The following GRIN2B variants were observed in gnomAD, a reference collection of about 807,000 sequenced individuals.
The protein encoded by GRIN2B is glutamate ionotropic receptor NMDA type subunit 2B, also known as glutamate receptor ionotropic, NMDA 2B.
A neutral mutation model predicts 114.5 loss-of-function variants in GRIN2B; 5 were observed. The observed-to-expected ratio is 0.04, with a 90% confidence interval of 0.02 to 0.09. The LOEUF (loss-of-function observed/expected upper bound fraction) is 0.09. Among genes scored for constraint, GRIN2B ranks in the 10% least tolerant of loss-of-function variants. The pLI, the probability that GRIN2B is intolerant of heterozygous loss-of-function variation, is 1.00. For missense variants in GRIN2B, 1,108 were observed against 1,943.5 expected (o/e 0.57, Z 8.08); for synonymous variants, 787 against 745.1 (o/e 1.06, Z -0.92).
intron 2 of GRIN2B, among the ~76,000 whole-genome samples, chr12:13,964,603 G>C (rs1485180540): frequency 1.3e-5 from 2 of 152,214 alleles, no homozygotes; most frequent in Non-Finnish European, 2.9e-5. Flanking sequence ...ATGGGCTTCA[G>C]GGATGCTAAG....
At chr12:13,790,313 C>A (rs1864299593) in intron 3 of GRIN2B, among the ~76,000 whole-genome samples, 1 of 152,174 alleles carries the variant, frequency 6.6e-6, no homozygotes, top group African/African-American at 2.4e-5. Flanking sequence ...CCTCTCATCC[C>A]CTCCCATCCT....
At chr12:13,906,296 A>C (rs1866533340) in intron 2 of GRIN2B, among the ~76,000 whole-genome samples, 1 of 152,202 alleles carries the variant, frequency 6.6e-6, no homozygotes, top group African/African-American at 2.4e-5. Flanking sequence ...ATAAATCCAC[A>C]GGTAGTCAGG....
At chr12:13,779,669 C>T (rs978588869) in intron 3 of GRIN2B, among the ~76,000 whole-genome samples, 1 of 152,130 alleles carries the variant, frequency 6.6e-6, no homozygotes, top group Non-Finnish European at 1.5e-5. Flanking sequence ...GTGTTTACAA[C>T]ACATCTTAGT....
chr12:13,609,434 G>A (rs1239410052), intron 9 of GRIN2B, among the ~76,000 whole-genome samples: 3 of 152,110 alleles, frequency 2.0e-5, no homozygotes, highest in Non-Finnish European at 2.9e-5. Context: ...CTACTCCGAT[G>A]CCAACACTTC....
intron 2 of GRIN2B, among the ~76,000 whole-genome samples, chr12:13,947,152 A>G (rs1471464391): frequency 6.6e-6 from 1 of 152,192 alleles, no homozygotes; most frequent in Non-Finnish European, 1.5e-5. Context: ...TGTACTCACA[A>G]AAGTATCTGT....
chr12:13,637,512 G>A (rs1949676757), intron 5 of GRIN2B, among the ~76,000 whole-genome samples: 1 of 152,118 alleles, frequency 6.6e-6, no homozygotes, highest in Non-Finnish European at 1.5e-5. Context: ...TCCATCACCA[G>A]TAAAGGTTTT....
In GRIN2B at chr12:13,561,003, G is replaced by A; in HGVS notation, c.*1780C>T. Reference sequence around the variant, plus strand: ...GCAGTCAAGCTTCCACACAGACCTGGGGCTCTCTGGATGCCACCCTGTGTA... The same window carrying A: ...GCAGTCAAGCTTCCACACAGACCTGAGGCTCTCTGGATGCCACCCTGTGTA... On this transcript the variant is annotated 3_prime_UTR_variant, in exon 14 of 14. Coordinates refer to ENST00000609686, the MANE Select transcript of GRIN2B (RefSeq NM_000834.5). The A allele has an allele frequency of 6.6e-6, 1 of 152,222 alleles. No homozygotes were observed. Among genetic ancestry groups the A allele is most frequent in the Non-Finnish European group, 1.5e-5 (1 of 68,044 alleles). The allele number at this position is 152,222 out of a possible 1,614,324, so 9.4% of individuals were successfully genotyped here. A position where few individuals can be genotyped will look rare whatever the true frequency, so the allele number is the denominator to read the frequency against.
At chr12:13,702,840 C>G (rs1950325038) in intron 4 of GRIN2B, among the ~76,000 whole-genome samples, 1 of 152,162 alleles carries the variant, frequency 6.6e-6, no homozygotes, top group Non-Finnish European at 1.5e-5. Context: ...ACTCCCATTC[C>G]TTACAGCTAA....
chr12:13,880,163 G>C (rs930234130), intron 2 of GRIN2B, among the ~76,000 whole-genome samples: 51 of 152,196 alleles, frequency 3.4e-4, no homozygotes, highest in African/African-American at 1.2e-3. Context: ...CCTGGCCTTG[G>C]GTCCTGGAGA....
intron 3 of GRIN2B, among the ~76,000 whole-genome samples, chr12:13,783,210 T>G (rs1041659025): frequency 6.6e-6 from 1 of 152,074 alleles, no homozygotes; most frequent in African/African-American, 2.4e-5. Context: ...AATTCATCTC[T>G]TTCGCACCCC....
chr12:13,886,305 C>T (rs149022627), intron 2 of GRIN2B, among the ~76,000 whole-genome samples: 3 of 152,232 alleles, frequency 2.0e-5, no homozygotes, highest in East Asian at 1.9e-4. Flanking sequence ...AAATTGCCTC[C>T]AAAGAAGCAT....
chr12:13,691,210 C>T (rs760363946), intron 4 of GRIN2B, among the ~76,000 whole-genome samples: 3 of 152,300 alleles, frequency 2.0e-5, no homozygotes, highest in East Asian at 1.9e-4. Context: ...ATCTTCTCTA[C>T]ATTTGGCCCA....
At chr12:13,629,546 C>T (rs1949600110) in intron 5 of GRIN2B, among the ~76,000 whole-genome samples, 1 of 152,130 alleles carries the variant, frequency 6.6e-6, no homozygotes, top group Admixed American at 6.5e-5. Context: ...TCCTCATTCA[C>T]CTATAGAATA....
chr12:13,553,941 A>C lies in GRIN2B; in HGVS notation c.*8842T>G, dbSNP rs1190346781. On this transcript the variant is annotated 3_prime_UTR_variant, in exon 14 of 14. Coordinates refer to ENST00000609686, the MANE Select transcript of GRIN2B (RefSeq NM_000834.5). Reference sequence around the variant, plus strand: ...CACTTAGAAAAAGGACAAAGCACTTAGAAAAATCCAGATTCCATTTGAAAT... The same window carrying C: ...CACTTAGAAAAAGGACAAAGCACTTCGAAAAATCCAGATTCCATTTGAAAT... 6.6e-6 allele frequency: 1 copy of C among 151,436 alleles called. No individual in the cohort carries two copies. Among genetic ancestry groups the C allele is most frequent in the Non-Finnish European group, 1.5e-5 (1 of 67,630 alleles). 9.4% of individuals were successfully genotyped at this position (151,436 alleles called of 1,614,324 possible). A position where few individuals can be genotyped will look rare whatever the true frequency, so the allele number is the denominator to read the frequency against.
chr12:13,819,099 C>A (rs946310100), intron 3 of GRIN2B, among the ~76,000 whole-genome samples: 28 of 152,102 alleles, frequency 1.8e-4, no homozygotes, highest in African/African-American at 6.8e-4. Flanking sequence ...GGCTGTTAAT[C>A]CTAATCCAAT....
intron 2 of GRIN2B, among the ~76,000 whole-genome samples, chr12:13,903,931 A>T (rs1363022544): frequency 6.6e-6 from 1 of 152,016 alleles, no homozygotes; most frequent in African/African-American, 2.4e-5. Flanking sequence ...TATTTAATCA[A>T]TTCAAGTGAC....
At chr12:13,896,808 G>A (rs1404333113) in intron 2 of GRIN2B, among the ~76,000 whole-genome samples, 1 of 152,156 alleles carries the variant, frequency 6.6e-6, no homozygotes, top group African/African-American at 2.4e-5. Context: ...ACTACCGACA[G>A]AGCTAGTGTG....
intron 3 of GRIN2B, among the ~76,000 whole-genome samples, chr12:13,775,577 A>C (rs950354725): frequency 2.4e-4 from 37 of 152,344 alleles, no homozygotes; most frequent in Non-Finnish European, 5.3e-4. Context: ...TTTCTTAGAA[A>C]TAGAATTAGG....
intron 3 of GRIN2B, among the ~76,000 whole-genome samples, chr12:13,837,706 G>A (rs907842173): frequency 1.3e-5 from 2 of 152,116 alleles, no homozygotes; most frequent in East Asian, 3.9e-4. Context: ...GGTGGTGCAG[G>A]ATGTCCAAAT....
Sources: allele counts gnomAD v4.1 joint callset (sites outside exome capture counted in the v4.1 genomes callset), GRCh38; gene constraint gnomAD v4.1.1; transcripts MANE v1.5; gene names NCBI Gene and HGNC (gene_info 2026-07-23, HGNC 2026-07-21).